BCAR3: variants seen among roughly 807,000 people sequenced by gnomAD.
BCAR3 encodes BCAR3 adaptor protein, NSP family member, also known as breast cancer anti-estrogen resistance protein 3.
In BCAR3, 37 loss-of-function variants were observed where a neutral mutation model predicts 80.1. That is an observed-to-expected ratio of 0.46 (90% CI 0.36 to 0.61). The LOEUF (loss-of-function observed/expected upper bound fraction) is 0.61, where lower values mean the gene tolerates loss of function less well. Among genes scored for constraint, BCAR3 ranks in the 20% least tolerant of loss-of-function variants. The pLI is 0.00. For missense variants in BCAR3, 978 were observed against 1,068.2 expected (o/e 0.92, Z 1.18); for synonymous variants, 389 against 418.9 (o/e 0.93, Z 0.87).
intron 2 of BCAR3, among the ~76,000 whole-genome samples, chr1:93,719,465 C>T (rs749035839): frequency 4.6e-5 from 7 of 151,224 alleles, no homozygotes; most frequent in African/African-American, 7.3e-5. Flanking sequence ...CTCAGCCTCC[C>T]GAGTAGCTGG....
intron 2 of BCAR3, among the ~76,000 whole-genome samples, chr1:93,659,981 C>T (rs1426958463): frequency 6.6e-6 from 1 of 152,114 alleles, no homozygotes; most frequent in Non-Finnish European, 1.5e-5. Context: ...TCACTAAGAA[C>T]AGGGACCACA....
intron 5 of BCAR3, 82 bp from the exon 6 acceptor site, chr1:93,584,203 CA>C: frequency 8.1e-7 from 1 of 1,240,014 alleles, no homozygotes; most frequent in Non-Finnish European, 1.1e-6. Flanking sequence ...GGAACTTAAA[CA>C]AAAACAAAAA....
Position 93,617,499 on chromosome 1 carries a change from C to T in BCAR3, c.357+24805G>A, listed in dbSNP as rs143761851. Among the ~76,000 whole-genome samples the T allele has an allele frequency of 3.1e-3, 470 of 152,320 alleles. 2 individuals are homozygous for T. The highest frequency in any genetic ancestry group is 3.4e-3 in the Non-Finnish European group (230 of 68,030). ...CCCATGGCTAGAGGACAGTGACTCA[C>T]CCCAGGCTTCAAGGCCTGGCTTGTT... On this transcript the variant is annotated intron_variant, in intron 3 of 11. Coordinates refer to ENST00000260502, the MANE Select transcript of BCAR3 (RefSeq NM_003567.4).
At chr1:93,784,138 G>A (rs940647269) in intron 2 of BCAR3, among the ~76,000 whole-genome samples, 9 of 150,622 alleles carry the variant, frequency 6.0e-5, no homozygotes, top group African/African-American at 2.2e-4. Context: ...CATGGCTGAT[G>A]CTATATGAAG....
chr1:93,765,222 C>T (rs2747039), intron 2 of BCAR3, among the ~76,000 whole-genome samples: 108,608 of 152,214 alleles, frequency 0.71, 39,711 homozygotes, highest in African/African-American at 0.87. Flanking sequence ...ACAATAACCA[C>T]TCCTACTAGG....
rs1348517532 is a variant in BCAR3 at position 93,825,045 on chromosome 1, C to T, written c.-63+20522G>A. ...GGTAACCTATCAAAACTCACGAGTG[C>T]GTACAGAGACCCCCTCAGTGGGTTT... On this transcript the variant is annotated intron_variant, in intron 2 of 13. Coordinates refer to the BCAR3 transcript ENST00000370244. 3.0e-5 allele frequency among the ~76,000 whole-genome samples: 4 copies of T among 134,040 alleles called. 1 individual carries two copies. Among genetic ancestry groups the T allele is most frequent in the South Asian group, 6.1e-4 (2 of 3,288 alleles). The allele number at this position is 134,040 out of a possible 152,430, so 87.9% of individuals were successfully genotyped here.
Position 93,747,509 on chromosome 1 carries a change from C to T in BCAR3, c.-62-41367G>A, listed in dbSNP as rs116586655. Among the ~76,000 whole-genome samples, 530 of 151,752 alleles carry T rather than the reference C, an allele frequency of 3.5e-3. 24 individuals carry two copies. Among genetic ancestry groups the T allele is most frequent in the African/African-American group, 0.012 (499 of 41,044 alleles). ...TCTGTCTTCACCCAATGAGATTAAA[C>T]GAACCTTGAACATATCTCTTGATTT... On this transcript the variant is annotated intron_variant, in intron 2 of 13. Transcript: ENST00000370244.
chr1:93,720,212 TCTGGGTTGC>T, intron 2 of BCAR3: 1 of 152,246 alleles, frequency 6.6e-6, no homozygotes, highest in Non-Finnish European at 1.5e-5. Context: ...TTTAGGATGC[TCTGGGTTGC>T]CTGGGGCCTC....
At chr1:93,790,413 C>A (rs1653101224) in intron 2 of BCAR3, among the ~76,000 whole-genome samples, 1 of 151,880 alleles carries the variant, frequency 6.6e-6, no homozygotes, top group Non-Finnish European at 1.5e-5. Flanking sequence ...CTTAACTTAC[C>A]ATTCATTTTC....
At chr1:93,816,092 C>A (rs1031696336) in intron 2 of BCAR3, among the ~76,000 whole-genome samples, 1 of 152,160 alleles carries the variant, frequency 6.6e-6, no homozygotes, top group Non-Finnish European at 1.5e-5. Context: ...GAAAACTATA[C>A]TAGAAAATTC....
intron 2 of BCAR3, among the ~76,000 whole-genome samples, chr1:93,801,954 C>G (rs1475555414): frequency 2.6e-5 from 4 of 151,878 alleles, no homozygotes; most frequent in Admixed American, 6.6e-5. Context: ...CCCGTCTCTA[C>G]TAAAAATACA....
intron 2 of BCAR3, among the ~76,000 whole-genome samples, chr1:93,831,769 C>A (rs1654574702): frequency 6.6e-6 from 1 of 152,082 alleles, no homozygotes; most frequent in Non-Finnish European, 1.5e-5. Flanking sequence ...ACCCTATAAT[C>A]CTTTTATCAT....
chr1:93,724,446 C>T (rs899543539), intron 2 of BCAR3, among the ~76,000 whole-genome samples: 3 of 152,186 alleles, frequency 2.0e-5, no homozygotes, highest in Non-Finnish European at 4.4e-5. Context: ...AAGGAATAGA[C>T]GCCACCAAAT....
At chr1:93,626,433 C>T (rs1675458822) in intron 3 of BCAR3, among the ~76,000 whole-genome samples, 1 of 152,150 alleles carries the variant, frequency 6.6e-6, no homozygotes, top group Non-Finnish European at 1.5e-5. Flanking sequence ...TACAGTGGTG[C>T]TCAAAGTGTG....
intron 1 of BCAR3, chr1:93,681,370 C>G (rs891893261): frequency 6.6e-6 from 1 of 151,220 alleles, no homozygotes; most frequent in African/African-American, 2.4e-5. Context: ...CCAGCGCGCT[C>G]GGAGGGCCTG....
intron 2 of BCAR3, among the ~76,000 whole-genome samples, chr1:93,824,123 T>A (rs61782408): frequency 0.09 from 12,019 of 133,598 alleles, 2,933 homozygotes; most frequent in South Asian, 0.17. Flanking sequence ...ATTCAACTAA[T>A]GTTTGTTGAA....
chr1:93,673,128 C>T (rs1036289278), intron 2 of BCAR3, among the ~76,000 whole-genome samples: 4 of 152,232 alleles, frequency 2.6e-5, no homozygotes, highest in Admixed American at 6.5e-5. Flanking sequence ...CTACCAAAAA[C>T]GTACCACCTC....
intron 2 of BCAR3, among the ~76,000 whole-genome samples, chr1:93,738,726 T>C (rs1651076919): frequency 6.6e-6 from 1 of 151,650 alleles, no homozygotes; most frequent in South Asian, 2.1e-4. Context: ...TTACAGTCAT[T>C]AAGAAGCCAG....
At chr1:93,667,278 C>T (rs1482258654) in intron 2 of BCAR3, among the ~76,000 whole-genome samples, 1 of 152,222 alleles carries the variant, frequency 6.6e-6, no homozygotes, top group African/African-American at 2.4e-5. Context: ...GAGCTAGGAG[C>T]AGGCATGGGA....
Sources: gnomAD v4.1 joint callset for allele counts (sites outside exome capture counted in the v4.1 genomes callset) on GRCh38, gnomAD v4.1.1 for gene constraint, MANE v1.5 for transcripts, NCBI Gene and HGNC (gene_info 2026-07-23, HGNC 2026-07-21) for gene names.